The following PCDHGB4 variants were observed in gnomAD, a reference collection of about 807,000 sequenced individuals.
PCDHGB4 encodes protocadherin gamma subfamily B, 4.
PCDHGB4 carries 38 observed loss-of-function variants against 60.5 expected under a neutral mutation model. The ratio of observed to expected loss-of-function variants is 0.63; its 90% confidence interval spans 0.48 to 0.82. PCDHGB4 has a LOEUF of 0.82. Ranked by LOEUF, PCDHGB4 falls within the 40% of genes least tolerant of loss-of-function variation. PCDHGB4 has a pLI of 0.00. For missense variants in PCDHGB4, 1,109 were observed against 1,209.6 expected, an observed-to-expected ratio of 0.92 and a Z score of 1.23; for synonymous variants, 456 against 509.7, an observed-to-expected ratio of 0.89 and a Z score of 1.42.
At chr5:141,420,334 T>A in intron 1 of PCDHGB4, 1 of 1,402,910 alleles carries the variant, frequency 7.1e-7, no homozygotes, top group Non-Finnish European at 9.5e-7. Context: ...TATATTCCAA[T>A]ATAGTGGTAT....
At chr5:141,508,642 T>A (rs893357826) in intron 3 of PCDHGB4, among the ~76,000 whole-genome samples, 13 of 152,070 alleles carry the variant, frequency 8.5e-5, no homozygotes, top group Admixed American at 2.6e-4. Flanking sequence ...AGCTACTCCG[T>A]CAGGCCCTTC....
At chr5:141,399,762 C>T (rs1415096807) in intron 1 of PCDHGB4, 4 of 1,613,352 alleles carry the variant, frequency 2.5e-6, no homozygotes, top group Non-Finnish European at 2.5e-6. Flanking sequence ...TGAGCCTGCG[C>T]GTGTTGGTGG....
chr5:141,436,735 T>G (rs2097843412), intron 1 of PCDHGB4, among the ~76,000 whole-genome samples: 1 of 152,220 alleles, frequency 6.6e-6, no homozygotes, highest in Non-Finnish European at 1.5e-5. Context: ...AATAATGATT[T>G]TTGTGTGCTT....
Position 141,487,632 on chromosome 5 carries a change from C to G in PCDHGB4, c.2398-7175C>G, listed in dbSNP as rs374506603. The G allele has an allele frequency of 6.2e-7, 1 of 1,614,186 alleles. No homozygotes were observed. Among genetic ancestry groups the G allele is most frequent in the East Asian group, 2.2e-5 (1 of 44,888 alleles). On this transcript the variant is annotated intron_variant, in intron 1 of 3. Coordinates refer to ENST00000519479, the MANE Select transcript of PCDHGB4 (RefSeq NM_003736.4). The surrounding 1 kb of genome is among the most constrained non-coding windows in gnomAD (Gnocchi z 5.0). ...GGGCTAGAGGTGAGACCTTTGCAGG[C>G]TCAACAAATGCTTGAGGGTTATTCT... is the stretch of plus-strand genomic sequence containing the variant.
chr5:141,397,648 C>T (rs1045102412), intron 1 of PCDHGB4, among the ~76,000 whole-genome samples: 5 of 152,148 alleles, frequency 3.3e-5, no homozygotes, highest in African/African-American at 1.2e-4. Context: ...GGTATGTTTG[C>T]AGAATGGTGA....
chr5:141,485,245 G>C lies in PCDHGB4; in HGVS notation c.2398-9562G>C. 1 of 1,614,188 alleles carries C rather than the reference G, an allele frequency of 6.2e-7. No individual in the cohort carries two copies. Among genetic ancestry groups the C allele is most frequent in the Non-Finnish European group, 8.5e-7 (1 of 1,180,008 alleles). On this transcript the variant is annotated intron_variant, in intron 1 of 3. Coordinates refer to ENST00000519479, the MANE Select transcript of PCDHGB4 (RefSeq NM_003736.4). This position sits in a 1 kb window ranked among gnomAD's most constrained non-coding sequence, Gnocchi z 5.7. The stretch of plus-strand genomic sequence containing the variant: ...CCCTTTTGTTCCTCTTTTACCACCT[G>C]GGTTACGTTTGTGGGCAGATCCGCT...
chr5:141,393,019 G>A (rs1415257415), intron 1 of PCDHGB4: 1 of 1,613,746 alleles, frequency 6.2e-7, no homozygotes, highest in African/African-American at 1.3e-5. Flanking sequence ...ATCGTCTCCA[G>A]AGGTAGGACG....
rs950164698 is a variant in PCDHGB4, at chr5:141,423,459, G to A, written c.2397+33178G>A. ...TGCCCACGTCACATTTTGTAGGCGT[G>A]GACGGGGTACAGGCTTTCCTGCAAA... On this transcript the variant is annotated intron_variant, in intron 1 of 3. Coordinates refer to ENST00000519479, the MANE Select transcript of PCDHGB4 (RefSeq NM_003736.4). 4.3e-6 allele frequency: 7 copies of A among 1,614,006 alleles called. No individual in the cohort carries two copies. In the South Asian group the frequency reaches 6.6e-5, roughly 15 times the overall value.
Position 141,477,447 on chromosome 5 carries a change from G to T in PCDHGB4, c.2398-17360G>T, listed in dbSNP as rs779097830. The T allele has an allele frequency of 6.2e-7, 1 of 1,614,098 alleles. No homozygotes were observed. Among genetic ancestry groups the T allele is most frequent in the Non-Finnish European group, 8.5e-7 (1 of 1,180,016 alleles). ...TCCCTCTCAGCCCTTACAATAGTGCGTGTTCAAGTGTCCGACATCAATGAC... is the reference window on the plus strand; with the variant it reads ...TCCCTCTCAGCCCTTACAATAGTGCTTGTTCAAGTGTCCGACATCAATGAC... On this transcript the variant is annotated intron_variant, in intron 1 of 3. Coordinates refer to ENST00000519479, the MANE Select transcript of PCDHGB4 (RefSeq NM_003736.4). This position sits in a 1 kb window ranked among gnomAD's most constrained non-coding sequence, Gnocchi z 4.9.
chr5:141,390,095 T>C lies in PCDHGB4; in HGVS notation c.2211T>C (p.Val737=), dbSNP rs763642761. 3 of 1,613,972 alleles carry C rather than the reference T, an allele frequency of 1.9e-6. No individual in the cohort carries two copies. In the South Asian group the frequency reaches 3.3e-5, roughly 18 times the overall value. ...PGLCVKSESV[V]PPNYSEGTLP... is the part of the protein sequence containing the mutation. ...TCTGTGTTAAATCCGAATCCGTGGT[T>C]CCCCCCAACTACAGCGAGGGGACTT... The change falls in exon 1 of 4, where the codon GTT becomes GTC. Residue 737 remains valine, a synonymous_variant. Coordinates refer to ENST00000519479, the MANE Select transcript of PCDHGB4 (RefSeq NM_003736.4).
intron 1 of PCDHGB4, chr5:141,428,335 T>G (rs535486665): frequency 3.3e-6 from 2 of 615,106 alleles, no homozygotes; most frequent in East Asian, 5.9e-5. Context: ...TTCTATGCTC[T>G]TCTTCCTCGC....
chr5:141,428,222 C>A, intron 1 of PCDHGB4: 1 of 1,173,442 alleles, frequency 8.5e-7, no homozygotes, highest in Non-Finnish European at 1.2e-6. Flanking sequence ...CTAGTCTTCG[C>A]AGACAGCCTG....
chr5:141,431,527 C>T lies in PCDHGB4; in HGVS notation c.2397+41246C>T. The T allele has an allele frequency of 1.2e-6, 2 of 1,614,086 alleles. No homozygotes were observed. The highest frequency in any genetic ancestry group is 2.2e-5 in the East Asian group (1 of 44,888). ...GCGCGAGCGTTCCGGAGAATCTGGC[C>T]TTGGGCACGCAGCTGCTTGTAGTCA... On this transcript the variant is annotated intron_variant, in intron 1 of 3. Coordinates refer to ENST00000519479, the MANE Select transcript of PCDHGB4 (RefSeq NM_003736.4). This position sits in a 1 kb window ranked among gnomAD's most constrained non-coding sequence, Gnocchi z 4.8.
At chr5:141,454,428 CAG>C (rs1412897540) in intron 1 of PCDHGB4, among the ~76,000 whole-genome samples, 1 of 152,172 alleles carries the variant, frequency 6.6e-6, no homozygotes, top group Admixed American at 6.5e-5. Flanking sequence ...TATTTAGAGA[CAG>C]AGTTTCACTC....
intron 1 of PCDHGB4, among the ~76,000 whole-genome samples, chr5:141,470,256 A>G (rs1043528709): frequency 6.6e-6 from 1 of 152,228 alleles, no homozygotes; most frequent in African/African-American, 2.4e-5. Flanking sequence ...ACCTGTCTAA[A>G]TGGAGATACA....
chr5:141,418,323 A>G, intron 1 of PCDHGB4: 2 of 1,614,004 alleles, frequency 1.2e-6, no homozygotes, highest in Non-Finnish European at 1.7e-6. Flanking sequence ...ACAATTCTTG[A>G]GTCTGCAGAA....
Position 141,485,210 on chromosome 5 carries a change from C to G in PCDHGB4, c.2398-9597C>G. 2 of 1,614,058 alleles carry G rather than the reference C, an allele frequency of 1.2e-6. No individual in the cohort carries two copies. The highest frequency in any genetic ancestry group is 1.7e-6 in the Non-Finnish European group (2 of 1,179,934). On this transcript the variant is annotated intron_variant, in intron 1 of 3. Transcript: ENST00000519479. The surrounding 1 kb of genome is among the most constrained non-coding windows in gnomAD (Gnocchi z 5.7). ...GGTGAGAAGCTGGACAGAAATCTGG[C>G]GGTGGGCTACCCTTTTGTTCCTCTT...
Position 141,512,738 on chromosome 5 carries a change from C to A in PCDHGB4, c.*1565C>A, listed in dbSNP as rs1350606944. 2 of 152,840 alleles carry A rather than the reference C, an allele frequency of 1.3e-5. No individual in the cohort carries two copies. The highest frequency in any genetic ancestry group is 2.1e-4 in the South Asian group (1 of 4,838). The allele number at this position is 152,840 out of a possible 1,614,324, so 9.5% of individuals were successfully genotyped here. A position where few individuals can be genotyped will look rare whatever the true frequency, so the allele number is the denominator to read the frequency against. On this transcript the variant is annotated 3_prime_UTR_variant, in exon 4 of 4. Transcript: ENST00000519479. ...TGGCGGGTGGGCAGCGGGCGGCGGG[C>A]TCCGCGCAGCCGTCTGTCCTTGATC...
chr5:141,408,338 G>C, intron 1 of PCDHGB4: 1 of 1,613,958 alleles, frequency 6.2e-7, no homozygotes, highest in Non-Finnish European at 8.5e-7. Context: ...CAAGGGCTCG[G>C]TGGTGGGGAA....
Sources: allele counts gnomAD v4.1 joint callset (sites outside exome capture counted in the v4.1 genomes callset), GRCh38; gene constraint gnomAD v4.1.1; non-coding constraint Gnocchi (gnomAD v3.1); transcripts MANE v1.5; gene names NCBI Gene and HGNC (gene_info 2026-07-23, HGNC 2026-07-21).